The following CATSPER2 variants were observed in gnomAD, a reference collection of about 807,000 sequenced individuals.
The protein encoded by CATSPER2 is cation channel sperm-associated protein 2.
In CATSPER2, 56 loss-of-function variants were observed where a neutral mutation model predicts 68.8. The ratio of observed to expected loss-of-function variants is 0.81; its 90% CI spans 0.66 to 1.02. CATSPER2 has a LOEUF of 1.02. CATSPER2 is among the 50% of genes least tolerant of loss of function. The pLI, the probability that CATSPER2 is intolerant of heterozygous loss-of-function variation, is 0.00. For missense variants in CATSPER2, 582 were observed against 642.0 expected (o/e 0.91, Z 1.01); for synonymous variants, 198 against 229.9 (o/e 0.86, Z 1.26).
In CATSPER2 at chr15:43,640,510, G is replaced by C. The variant is rs767145307; in HGVS notation, c.389-14C>G. 12 of 1,612,872 alleles carry C rather than the reference G, an allele frequency of 7.4e-6. No individual in the cohort carries two copies. The highest frequency in any genetic ancestry group is 1.7e-5 in the Admixed American group (1 of 59,934). ...ATTCCAGCAATTCTGTGAAGATAGA[G>C]CAAAGGAGGAATAAAAGTTAAGGAA... On this transcript the variant is annotated splice_polypyrimidine_tract_variant and intron_variant, in intron 4 of 12. Coordinates refer to ENST00000396879, the MANE Select transcript of CATSPER2 (RefSeq NM_172095.4).
rs17727853 is a variant in CATSPER2 at position 43,630,299 on chromosome 15, A to C, written c.*402T>G. ...CAGCTTGAACTAACTCTTTTACTTGACCTTATGCCTTTCAATATCCCTTAT... is the reference window on the plus strand; with the variant it reads ...CAGCTTGAACTAACTCTTTTACTTGCCCTTATGCCTTTCAATATCCCTTAT... On this transcript the variant is annotated 3_prime_UTR_variant, in exon 13 of 13. Transcript: ENST00000396879. 0.15 allele frequency: 41,782 copies of C among 287,144 alleles called. 3,741 individuals carry two copies. Among genetic ancestry groups the C allele is most frequent in the Middle Eastern group, 0.23 (184 of 798 alleles). 17.8% of individuals were successfully genotyped at this position (287,144 alleles called of 1,614,324 possible).
intron 11 of CATSPER2, 87 bp from the exon 12 acceptor site, chr15:43,632,450 G>T (rs1408005550): frequency 1.4e-5 from 22 of 1,549,562 alleles, no homozygotes; most frequent in African/African-American, 2.7e-5. Flanking sequence ...GGGTGGAAAG[G>T]TGGGGTGGAA....
At chr15:43,645,389 G>C (rs1595983695) in intron 4 of CATSPER2, among the ~76,000 whole-genome samples, 1 of 151,860 alleles carries the variant, frequency 6.6e-6, no homozygotes, top group African/African-American at 2.4e-5. Context: ...CTTGGAGCTA[G>C]AGGCAGAGTC....
chr15:43,637,454 T>G (rs2085984074), intron 7 of CATSPER2, among the ~76,000 whole-genome samples: 1 of 151,896 alleles, frequency 6.6e-6, no homozygotes, highest in South Asian at 2.1e-4. Flanking sequence ...ATGAGAGCTT[T>G]TATAGGATAA....
Position 43,629,658 on chromosome 15 carries a change from T to C in CATSPER2, c.*1043A>G, listed in dbSNP as rs571925258. ...GAAACATTAAGCATTACCTGGATAA[T>C]CCTCCTTTCAGTGATGTTCTAAAAG... On this transcript the variant is annotated 3_prime_UTR_variant, in exon 13 of 13. Coordinates refer to ENST00000396879, the MANE Select transcript of CATSPER2 (RefSeq NM_172095.4). 1 of 148,472 alleles carries C rather than the reference T, an allele frequency of 6.7e-6. No individual in the cohort carries two copies. Among genetic ancestry groups the C allele is most frequent in the African/African-American group, 2.5e-5 (1 of 39,716 alleles). The allele number at this position is 148,472 out of a possible 1,614,324, so 9.2% of individuals were successfully genotyped here. A position where few individuals can be genotyped will look rare whatever the true frequency, so the allele number is the denominator to read the frequency against.
Position 43,632,754 on chromosome 15 carries a change from A to G in CATSPER2, c.1359T>C (p.Tyr453=), listed in dbSNP as rs1474998908. Residue 453 remains tyrosine, a synonymous_variant, in exon 11 of 13, where the codon TAT becomes TAC. Coordinates refer to ENST00000396879, the MANE Select transcript of CATSPER2 (RefSeq NM_172095.4). ...AAAATCTGGATTCAGAAGAGGAAGA[A>G]TAGGAAGAGGATGTGGAGGAGACAC... is the stretch of plus-strand genomic sequence containing the variant. ...SSCVSSTSSS[Y]SSSSESRFSE... 6.2e-7 allele frequency: 1 copy of G among 1,613,514 alleles called. No homozygotes were observed. Among genetic ancestry groups the G allele is most frequent in the African/African-American group, 1.3e-5 (1 of 74,834 alleles).
chr15:43,643,902 G>A (rs1422741327), intron 4 of CATSPER2, among the ~76,000 whole-genome samples: 1 of 151,862 alleles, frequency 6.6e-6, no homozygotes, highest in Non-Finnish European at 1.5e-5. Context: ...AGGCTGCAGT[G>A]CACTGGTGAG....
intron 2 of CATSPER2, 25 bp from the exon 3 acceptor site, chr15:43,647,492 A>G: frequency 6.2e-7 from 1 of 1,608,902 alleles, no homozygotes; most frequent in East Asian, 2.2e-5. Flanking sequence ...AAAAAGGGAT[A>G]GTGGATAAAT....
chr15:43,641,717 T>C (rs1479981616), intron 4 of CATSPER2, among the ~76,000 whole-genome samples: 1 of 151,954 alleles, frequency 6.6e-6, no homozygotes, highest in African/African-American at 2.4e-5. Context: ...ATTTCTATGC[T>C]TGTTTTGAGA....
Position 43,647,087 on chromosome 15 carries a change from C to G in CATSPER2, c.351G>C (p.Leu117=), listed in dbSNP as rs2086180786. 2.5e-6 allele frequency: 4 copies of G among 1,613,006 alleles called. No homozygotes were observed. Among genetic ancestry groups the G allele is most frequent in the Non-Finnish European group, 3.4e-6 (4 of 1,179,188 alleles). The change falls in exon 4 of 13, where the codon CTG becomes CTC. Residue 117 remains leucine, a synonymous_variant. Transcript: ENST00000396879. ...CPLFKNFIIF[L]VFLNTIILMV... is the part of the protein sequence containing the mutation. ...TCAATATGATCGTATTCAAAAAGAC[C>G]AGGAAGATGATGAAGTTTTTGAAGA...
intron 4 of CATSPER2, among the ~76,000 whole-genome samples, chr15:43,641,910 T>G (rs1183157005): frequency 1.3e-5 from 2 of 151,582 alleles, no homozygotes; most frequent in Non-Finnish European, 2.9e-5. Flanking sequence ...GCTGCCCAGG[T>G]TGGCCTCAAA....
At chr15:43,642,850 T>C (rs1219968387) in intron 4 of CATSPER2, 1 of 149,708 alleles carries the variant, frequency 6.7e-6, no homozygotes, top group African/African-American at 2.5e-5. Flanking sequence ...CCACTCTACA[T>C]CAAGTAATGT....
intron 4 of CATSPER2, among the ~76,000 whole-genome samples, chr15:43,644,480 A>G (rs1024848322): frequency 5.3e-5 from 8 of 151,870 alleles, no homozygotes; most frequent in African/African-American, 1.9e-4. Context: ...TGATTTGTCT[A>G]TTAGATCTAG....
At chr15:43,637,103 G>A (rs1486304679) in intron 7 of CATSPER2, among the ~76,000 whole-genome samples, 6 of 151,950 alleles carry the variant, frequency 3.9e-5, no homozygotes, top group Admixed American at 1.3e-4. Context: ...GATTACAGGT[G>A]TGAGCCACCA....
intron 11 of CATSPER2, 106 bp from the exon 12 acceptor site, chr15:43,632,469 C>T: frequency 6.7e-7 from 1 of 1,493,232 alleles, no homozygotes; most frequent in Non-Finnish European, 9.2e-7. Flanking sequence ...AAAGAGGTAA[C>T]AGGAAGCAAG....
At chr15:43,643,206 C>A (rs945245927) in intron 4 of CATSPER2, among the ~76,000 whole-genome samples, 4 of 151,830 alleles carry the variant, frequency 2.6e-5, no homozygotes, top group Admixed American at 6.6e-5. Flanking sequence ...TTCAAGGAGT[C>A]CAATATTATA....
Position 43,629,255 on chromosome 15 carries a change from TC to T in CATSPER2, c.*1445del, listed in dbSNP as rs1280003846. On this transcript the variant is annotated 3_prime_UTR_variant, in exon 13 of 13. Transcript: ENST00000396879. Reference sequence around the variant, plus strand: ...CTGAAGCTATACTACCTTTGAATTTTCCAGTCTCCAGTAAGCTATTTTATTG... The same window carrying T: ...CTGAAGCTATACTACCTTTGAATTTTCAGTCTCCAGTAAGCTATTTTATTG... 6 of 128,496 alleles carry T rather than the reference TC, an allele frequency of 4.7e-5. No individual in the cohort carries two copies. The highest frequency in any genetic ancestry group is 7.0e-5 in the African/African-American group (2 of 28,504). 8.0% of individuals were successfully genotyped at this position (128,496 alleles called of 1,614,324 possible).
intron 9 of CATSPER2, 152 bp from the exon 10 acceptor site, chr15:43,635,568 G>A (rs1316281528): frequency 1.1e-5 from 12 of 1,064,954 alleles, no homozygotes; most frequent in Non-Finnish European, 1.4e-5. Flanking sequence ...ACCCCACAGT[G>A]GATGAAGAAT....
chr15:43,641,534 G>T (rs1327895502), intron 4 of CATSPER2, among the ~76,000 whole-genome samples: 2 of 150,086 alleles, frequency 1.3e-5, no homozygotes, highest in Non-Finnish European at 3.0e-5. Flanking sequence ...AAAACACTCA[G>T]ATTATAATAG....
Sources: allele counts gnomAD v4.1 joint callset (sites outside exome capture counted in the v4.1 genomes callset), GRCh38; gene constraint gnomAD v4.1.1; transcripts MANE v1.5; gene names NCBI Gene and HGNC (gene_info 2026-07-23, HGNC 2026-07-21).